MAGI2: variants seen among roughly 807,000 people sequenced by gnomAD.
The protein encoded by MAGI2 is membrane associated guanylate kinase, WW and PDZ domain containing 2.
In MAGI2, 35 loss-of-function variants were observed where a neutral mutation model predicts 133.3. The observed-to-expected ratio is 0.26, with a 90% CI of 0.20 to 0.35. The LOEUF (loss-of-function observed/expected upper bound fraction) is 0.35, where lower values mean the gene tolerates loss of function less well. Among genes scored for constraint, MAGI2 ranks in the 10% least tolerant of loss-of-function variants. The pLI, the probability that MAGI2 is intolerant of heterozygous loss-of-function variation, is 1.00. For missense variants in MAGI2, 1,636 were observed against 1,863.4 expected (o/e 0.88, Z 2.25); for synonymous variants, 729 against 710.6 (o/e 1.03, Z -0.41).
At chr7:78,765,737 G>C (rs536992571) in intron 2 of MAGI2, among the ~76,000 whole-genome samples, 9 of 152,202 alleles carry the variant, frequency 5.9e-5, no homozygotes, top group African/African-American at 2.2e-4. Context: ...CCTCACTTTA[G>C]AAGGTCCTGC....
intron 9 of MAGI2, among the ~76,000 whole-genome samples, chr7:78,271,562 C>A (rs539000659): frequency 9.9e-5 from 15 of 152,218 alleles, no homozygotes; most frequent in African/African-American, 3.4e-4. Context: ...TGGTAGAATT[C>A]GGCTGTGAAT....
chr7:78,289,115 T>A (rs777632157), intron 9 of MAGI2, among the ~76,000 whole-genome samples: 1 of 152,150 alleles, frequency 6.6e-6, no homozygotes, highest in Non-Finnish European at 1.5e-5. Context: ...CTTTGATGAG[T>A]TGGCAGAAGT....
At chr7:79,298,238 A>T (rs73153203) in intron 1 of MAGI2, among the ~76,000 whole-genome samples, 23,361 of 152,164 alleles carry the variant, frequency 0.15, 1,901 homozygotes, top group South Asian at 0.26. Context: ...TTTATTTTTA[A>T]AATGCAAAAA....
chr7:78,037,016 A>G (rs1810302106), intron 21 of MAGI2, among the ~76,000 whole-genome samples: 1 of 151,440 alleles, frequency 6.6e-6, no homozygotes. Context: ...CTATGAGTAG[A>G]GCAATAGCCC....
intron 1 of MAGI2, among the ~76,000 whole-genome samples, chr7:79,369,700 T>G (rs1326203540): frequency 6.6e-6 from 1 of 152,202 alleles, no homozygotes; most frequent in East Asian, 1.9e-4. Context: ...TAGTGATGCA[T>G]GTAGAATATG....
chr7:78,209,089 G>A lies in MAGI2; in HGVS notation c.2048-7896C>T, dbSNP rs549362568. Among the ~76,000 whole-genome samples, 23 of 132,960 alleles carry A rather than the reference G, an allele frequency of 1.7e-4. No homozygotes were observed. The East Asian group carries it at 4.9e-3, about 29-fold the overall frequency. The allele number at this position is 132,960 out of a possible 152,430, so 87.2% of individuals were successfully genotyped here. A position where few individuals can be genotyped will look rare whatever the true frequency, so the allele number is the denominator to read the frequency against. ...TACAAAAAATTAGCCGGGCGTGGTG[G>A]CGGGCGCCTGTAGTCCCAGCTACTT... On this transcript the variant is annotated intron_variant, in intron 10 of 21. Transcript: ENST00000354212.
rs545970786 is a variant in MAGI2, at chr7:78,273,378, T to A, written c.1409-16797A>T. Among the ~76,000 whole-genome samples, 4 of 152,310 alleles carry A rather than the reference T, an allele frequency of 2.6e-5. No homozygotes were observed. In the South Asian group the frequency reaches 8.3e-4, roughly 32 times the overall value. ...CTGGCTGCCCTTAACATTTTTTCCT[T>A]CATTTCAACCTTGGTGAATCTGACA... On this transcript the variant is annotated intron_variant, in intron 9 of 21. Transcript: ENST00000354212.
At chr7:79,369,854 A>G (rs564430061) in intron 1 of MAGI2, among the ~76,000 whole-genome samples, 54 of 152,300 alleles carry the variant, frequency 3.5e-4, no homozygotes, top group African/African-American at 1.2e-3. Context: ...AAAAAACATC[A>G]TAGATAAATT....
At chr7:79,396,628 C>G (rs1234489023) in intron 1 of MAGI2, among the ~76,000 whole-genome samples, 9 of 152,084 alleles carry the variant, frequency 5.9e-5, no homozygotes, top group Non-Finnish European at 1.0e-4. Context: ...TTAATTATGT[C>G]AATTTATGTC....
chr7:79,025,936 C>G (rs951994450), intron 1 of MAGI2, among the ~76,000 whole-genome samples: 3 of 152,170 alleles, frequency 2.0e-5, no homozygotes, highest in Non-Finnish European at 2.9e-5. Flanking sequence ...AGGACTATGA[C>G]AGTGAATTAT....
At chr7:78,149,737 G>C (rs181771691) in intron 16 of MAGI2, among the ~76,000 whole-genome samples, 1 of 152,112 alleles carries the variant, frequency 6.6e-6, no homozygotes, top group East Asian at 1.9e-4. Flanking sequence ...TGATGAATCC[G>C]TAAGTATACA....
At chr7:78,738,267 G>A (rs1237070390) in intron 2 of MAGI2, among the ~76,000 whole-genome samples, 1 of 152,112 alleles carries the variant, frequency 6.6e-6, no homozygotes, top group African/African-American at 2.4e-5. Flanking sequence ...AGTGATTCAT[G>A]CTTTAAGAAT....
chr7:78,371,631 T>C (rs935052915), intron 6 of MAGI2, among the ~76,000 whole-genome samples: 1 of 152,024 alleles, frequency 6.6e-6, no homozygotes, highest in Non-Finnish European at 1.5e-5. Flanking sequence ...CATTGATTCT[T>C]TTCTTTGTCA....
At chr7:79,379,330 A>C (rs848939) in intron 1 of MAGI2, among the ~76,000 whole-genome samples, 89,523 of 151,684 alleles carry the variant, frequency 0.59, 29,517 homozygotes, top group African/African-American at 0.89. Flanking sequence ...CATGATGTAT[A>C]TGTGCCACAT....
chr7:79,353,438 G>T (rs1841820836), intron 1 of MAGI2: 1 of 455,934 alleles, frequency 2.2e-6, no homozygotes, highest in African/African-American at 2.0e-5. Context: ...CCAGACCCAA[G>T]ATACATTTTG....
intron 2 of MAGI2, among the ~76,000 whole-genome samples, chr7:78,841,227 T>C (rs1226940990): frequency 2.0e-5 from 3 of 152,052 alleles, no homozygotes; most frequent in Non-Finnish European, 4.4e-5. Context: ...ACCACTAAAA[T>C]GAAGTTGCCT....
At chr7:79,326,119 A>G (rs28553964) in intron 1 of MAGI2, among the ~76,000 whole-genome samples, 2,484 of 152,274 alleles carry the variant, frequency 0.016, 58 homozygotes, top group African/African-American at 0.058. Flanking sequence ...TTTAATACAT[A>G]CAAAACATTT....
At chr7:78,703,645 G>A (rs145171161) in intron 2 of MAGI2, among the ~76,000 whole-genome samples, 2 of 152,096 alleles carry the variant, frequency 1.3e-5, no homozygotes, top group African/African-American at 4.8e-5. Flanking sequence ...TCAAATATGA[G>A]GAGTGTGGTA....
intron 1 of MAGI2, among the ~76,000 whole-genome samples, chr7:79,336,294 C>T (rs1840434595): frequency 6.6e-6 from 1 of 152,082 alleles, no homozygotes; most frequent in African/African-American, 2.4e-5. Context: ...GAGGCTCTGA[C>T]AGGATTTGAG....
Sources: allele counts gnomAD v4.1 joint callset (sites outside exome capture counted in the v4.1 genomes callset), GRCh38; gene constraint gnomAD v4.1.1; transcripts MANE v1.5; gene names NCBI Gene and HGNC (gene_info 2026-07-23, HGNC 2026-07-21).